Variants in SMYD3 observed in about 807,000 individuals in gnomAD.
SMYD3 encodes the protein histone-lysine N-methyltransferase SMYD3.
Under a neutral mutation model 57.7 loss-of-function variants are expected in SMYD3, and 36 were observed. The observed-to-expected ratio is 0.62, with a 90% CI of 0.48 to 0.82. SMYD3 has a LOEUF of 0.82. Among genes scored for constraint, SMYD3 ranks in the 40% least tolerant of loss-of-function variants. SMYD3 has a pLI of 0.00. For missense variants in SMYD3, 515 were observed against 538.8 expected (o/e 0.96, Z 0.44); for synonymous variants, 211 against 195.0 (o/e 1.08, Z -0.68).
At chr1:246,226,124 T>C (rs2063326770) in intron 5 of SMYD3, among the ~76,000 whole-genome samples, 1 of 152,190 alleles carries the variant, frequency 6.6e-6, no homozygotes, top group Non-Finnish European at 1.5e-5. Flanking sequence ...ACCTGCTCTA[T>C]AAACCCGAAC....
chr1:246,080,256 G>A (rs12064106), intron 5 of SMYD3, among the ~76,000 whole-genome samples: 145 of 129,990 alleles, frequency 1.1e-3, no homozygotes, highest in African/African-American at 2.4e-3. Context: ...CATGACCACC[G>A]GAGCTCAGAG....
intron 5 of SMYD3, among the ~76,000 whole-genome samples, chr1:245,974,278 T>C (rs1269082537): frequency 2.0e-5 from 3 of 152,190 alleles, no homozygotes; most frequent in Non-Finnish European, 4.4e-5. Flanking sequence ...GATGGGAAGA[T>C]TCATTCCCAT....
At chr1:246,123,152 T>C (rs570660108) in intron 5 of SMYD3, among the ~76,000 whole-genome samples, 79 of 152,276 alleles carry the variant, frequency 5.2e-4, no homozygotes, top group African/African-American at 1.8e-3. Context: ...CATTTGGAAG[T>C]GCCAGAACAC....
intron 3 of SMYD3, among the ~76,000 whole-genome samples, chr1:246,331,745 A>C (rs7525194): frequency 0.041 from 6,251 of 152,358 alleles, 431 homozygotes; most frequent in African/African-American, 0.14. Context: ...AAGTCTGTCC[A>C]TACCATTTTT....
At chr1:245,886,121 G>T (rs777202108) in intron 8 of SMYD3, among the ~76,000 whole-genome samples, 3 of 152,188 alleles carry the variant, frequency 2.0e-5, no homozygotes, top group African/African-American at 7.2e-5. Context: ...AGAAAAGCAA[G>T]ATAATTCCAA....
Position 245,961,465 on chromosome 1 carries a change from C to T in SMYD3, c.532-31528G>A, listed in dbSNP as rs148189836. Among the ~76,000 whole-genome samples the T allele has an allele frequency of 3.8e-3, 586 of 152,224 alleles. 4 individuals are homozygous for T. Among genetic ancestry groups the T allele is most frequent in the African/African-American group, 0.012 (496 of 41,504 alleles). On this transcript the variant is annotated intron_variant, in intron 5 of 11. Coordinates refer to ENST00000490107, the MANE Select transcript of SMYD3 (RefSeq NM_001167740.2). ...TGCATCAGGCACAAAGGAAGATGCA[C>T]AGCTGCAAGTGCTCAAGATGACTAA...
At chr1:246,469,776 G>GA (rs929390475) in intron 1 of SMYD3, among the ~76,000 whole-genome samples, 1 of 151,802 alleles carries the variant, frequency 6.6e-6, no homozygotes, top group African/African-American at 2.4e-5. Flanking sequence ...CTCTATGGAG[G>GA]AAAAAAAACT....
At chr1:246,374,446 G>GT (rs1414459227) in intron 1 of SMYD3, among the ~76,000 whole-genome samples, 2 of 152,142 alleles carry the variant, frequency 1.3e-5, no homozygotes, top group African/African-American at 4.8e-5. Flanking sequence ...CTCTCACAGT[G>GT]TAAGCGTCCT....
intron 5 of SMYD3, among the ~76,000 whole-genome samples, chr1:246,044,776 A>T (rs1419953063): frequency 6.6e-6 from 1 of 152,250 alleles, no homozygotes; most frequent in East Asian, 1.9e-4. Flanking sequence ...AGAACCATTC[A>T]GCAAAATTCA....
At chr1:246,409,973 T>C (rs932499061) in intron 1 of SMYD3, among the ~76,000 whole-genome samples, 17 of 152,346 alleles carry the variant, frequency 1.1e-4, no homozygotes, top group Non-Finnish European at 2.4e-4. Context: ...TTTGGCTCTC[T>C]GTTTGTCTGT....
rs1441535234 is a variant in SMYD3 at position 246,357,666 on chromosome 1, C to A, written c.165-2572G>T. On this transcript the variant is annotated intron_variant, in intron 1 of 11. Transcript: ENST00000490107. ...GAAGGGATTGGGGTCCTATTTTTAG[C>A]CTCCTTAAACAAAACAATTATCAGC... Among the ~76,000 whole-genome samples, 3 of 152,092 alleles carry A rather than the reference C, an allele frequency of 2.0e-5. No homozygotes were observed. In the East Asian group the frequency reaches 5.8e-4, roughly 29 times the overall value.
chr1:246,190,397 C>A (rs1446680890), intron 5 of SMYD3, among the ~76,000 whole-genome samples: 13 of 151,888 alleles, frequency 8.6e-5, no homozygotes. Flanking sequence ...CCAGTCTGGC[C>A]AATATGGTGA....
At chr1:246,260,677 C>T (rs182227011) in intron 5 of SMYD3, among the ~76,000 whole-genome samples, 6 of 152,092 alleles carry the variant, frequency 3.9e-5, no homozygotes, top group East Asian at 1.9e-4. Flanking sequence ...GTGATCCACC[C>T]GCCTCAGCCT....
At chr1:246,054,259 C>T (rs974362825) in intron 5 of SMYD3, among the ~76,000 whole-genome samples, 1 of 152,164 alleles carries the variant, frequency 6.6e-6, no homozygotes, top group African/African-American at 2.4e-5. Context: ...ATTAAAAAGA[C>T]TGACACTACC....
intron 5 of SMYD3, among the ~76,000 whole-genome samples, chr1:246,266,271 T>G (rs978778915): frequency 6.6e-6 from 1 of 152,196 alleles, no homozygotes; most frequent in Admixed American, 6.5e-5. Context: ...TGTCATGCCC[T>G]GTCCATCCAT....
chr1:246,286,562 C>T (rs764397257), intron 5 of SMYD3, among the ~76,000 whole-genome samples: 49 of 152,158 alleles, frequency 3.2e-4, no homozygotes, highest in Non-Finnish European at 5.3e-4. Context: ...TTTCTACAGA[C>T]TCCCTGAAGG....
intron 10 of SMYD3, among the ~76,000 whole-genome samples, chr1:245,786,372 C>A (rs951666256): frequency 6.6e-5 from 10 of 152,094 alleles, no homozygotes; most frequent in African/African-American, 2.4e-4. Context: ...TCCACTACTT[C>A]ATTGATTAAA....
chr1:246,070,353 CT>C (rs2148379915), intron 5 of SMYD3, among the ~76,000 whole-genome samples: 1 of 152,276 alleles, frequency 6.6e-6, no homozygotes, highest in South Asian at 2.1e-4. Context: ...CAAATATACT[CT>C]CTTGGTGTTT....
chr1:246,245,235 G>T (rs1369083127), intron 5 of SMYD3, among the ~76,000 whole-genome samples: 1 of 151,588 alleles, frequency 6.6e-6, no homozygotes, highest in Non-Finnish European at 1.5e-5. Context: ...TTGAGCCCAG[G>T]AGTTGCAGAC....
Sources: allele counts gnomAD v4.1 joint callset (sites outside exome capture counted in the v4.1 genomes callset), GRCh38; gene constraint gnomAD v4.1.1; transcripts MANE v1.5; gene names NCBI Gene and HGNC (gene_info 2026-07-23, HGNC 2026-07-21).